Variants in TRHDE observed in about 807,000 individuals in gnomAD.
The protein encoded by TRHDE is thyrotropin-releasing hormone-degrading ectoenzyme.
Under a neutral mutation model 125.7 loss-of-function variants are expected in TRHDE, and 72 were observed. That is an observed-to-expected ratio of 0.57 (90% CI 0.47 to 0.70). The LOEUF is 0.70. Ranked by LOEUF, TRHDE falls within the 30% of genes least tolerant of loss-of-function variation. The probability of loss-of-function intolerance (pLI) is 0.00; values close to 1 mark genes in which losing one functional copy is unlikely to be tolerated. For missense variants in TRHDE, 1,110 were observed against 1,327.1 expected, an observed-to-expected ratio of 0.84 and a Z score of 2.54; for synonymous variants, 509 against 509.1, an observed-to-expected ratio of 1.00 and a Z score of 0.00.
rs182813219 is a variant in TRHDE at position 72,309,414 on chromosome 12, G to A, written c.1188+22460G>A. ...GGAAAGGGAGATTTTGAAACTACTG[G>A]AAAGGTGAGATCAATGATGAAAGAG... On this transcript the variant is annotated intron_variant, in intron 2 of 18. Coordinates refer to ENST00000261180, the MANE Select transcript of TRHDE (RefSeq NM_013381.3). Among the ~76,000 whole-genome samples, 506 of 152,212 alleles carry A rather than the reference G, an allele frequency of 3.3e-3. 7 individuals are homozygous for A. Among genetic ancestry groups the A allele is most frequent in the African/African-American group, 0.012 (486 of 41,542 alleles).
chr12:72,475,415 CA>C (rs2135905335), intron 5 of TRHDE, among the ~76,000 whole-genome samples: 1 of 152,064 alleles, frequency 6.6e-6, no homozygotes, highest in Non-Finnish European at 1.5e-5. Context: ...TTCTATTCAC[CA>C]TTATGAAAAA....
intron 1 of TRHDE, among the ~76,000 whole-genome samples, chr12:72,087,856 T>A (rs1874703729): frequency 6.6e-6 from 1 of 152,080 alleles, no homozygotes; most frequent in South Asian, 2.1e-4. Flanking sequence ...GTTGTGTGAT[T>A]CCTCCAGCAC....
At chr12:72,412,118 T>A (rs750220063) in intron 3 of TRHDE, among the ~76,000 whole-genome samples, 10 of 152,128 alleles carry the variant, frequency 6.6e-5, no homozygotes, top group African/African-American at 2.4e-4. Flanking sequence ...ATTGACACAT[T>A]GATTTGTATT....
intron 3 of TRHDE, among the ~76,000 whole-genome samples, chr12:72,464,197 T>C (rs1876259027): frequency 6.6e-6 from 1 of 152,184 alleles, no homozygotes; most frequent in Non-Finnish European, 1.5e-5. Flanking sequence ...AGTCTGGGCA[T>C]GTGGGTGGTG....
chr12:72,149,196 T>C (rs1876299453), intron 2 of TRHDE, among the ~76,000 whole-genome samples: 1 of 152,152 alleles, frequency 6.6e-6, no homozygotes, highest in Non-Finnish European at 1.5e-5. Flanking sequence ...TATTATTTTC[T>C]CCAAACTGTA....
At chr12:72,325,430 A>C (rs921196810) in intron 2 of TRHDE, among the ~76,000 whole-genome samples, 13 of 152,174 alleles carry the variant, frequency 8.5e-5, no homozygotes, top group African/African-American at 3.1e-4. Flanking sequence ...TCTGTTTACC[A>C]AACAGCCTTT....
At chr12:72,349,322 C>T (rs1870475353) in intron 2 of TRHDE, among the ~76,000 whole-genome samples, 1 of 151,932 alleles carries the variant, frequency 6.6e-6, no homozygotes, top group African/African-American at 2.4e-5. Context: ...CTTTATTAGA[C>T]AAATAGATGT....
intron 1 of TRHDE, among the ~76,000 whole-genome samples, chr12:72,099,943 A>G (rs1229215499): frequency 6.6e-6 from 1 of 152,198 alleles, no homozygotes; most frequent in African/African-American, 2.4e-5. Flanking sequence ...ATCCCAGGAA[A>G]ATATCTGGAC....
intron 18 of TRHDE, among the ~76,000 whole-genome samples, chr12:72,657,685 A>G (rs1296916462): frequency 6.6e-6 from 1 of 152,150 alleles, no homozygotes; most frequent in Non-Finnish European, 1.5e-5. Flanking sequence ...TACTCTGGAA[A>G]TTTAAGCCAG....
At chr12:72,635,790 T>G (rs2136091940) in intron 15 of TRHDE, among the ~76,000 whole-genome samples, 1 of 152,274 alleles carries the variant, frequency 6.6e-6, no homozygotes, top group Non-Finnish European at 1.5e-5. Context: ...TTTTCTCAGG[T>G]TTGTCAAAGA....
intron 3 of TRHDE, among the ~76,000 whole-genome samples, chr12:72,407,562 G>A (rs1004540415): frequency 1.3e-5 from 2 of 152,168 alleles, no homozygotes; most frequent in African/African-American, 4.8e-5. Flanking sequence ...ACAACTAAAA[G>A]TGCTGCATAC....
intron 1 of TRHDE, among the ~76,000 whole-genome samples, chr12:72,275,909 A>T (rs988608530): frequency 1.3e-5 from 2 of 152,184 alleles, no homozygotes; most frequent in African/African-American, 4.8e-5. Context: ...GTGTTCTGAA[A>T]ATCCCAGGAT....
intron 2 of TRHDE, among the ~76,000 whole-genome samples, chr12:72,147,128 G>A (rs1876247068): frequency 6.6e-6 from 1 of 151,952 alleles, no homozygotes; most frequent in African/African-American, 2.4e-5. Flanking sequence ...CAAAATAGGG[G>A]GTGTGGTGGA....
chr12:72,579,876 C>G (rs1871155734), intron 12 of TRHDE, among the ~76,000 whole-genome samples: 1 of 151,954 alleles, frequency 6.6e-6, no homozygotes, highest in African/African-American at 2.4e-5. Context: ...TATCTTTATC[C>G]TAATGCAAAT....
At chr12:72,469,251 C>A (rs1389575758) in intron 3 of TRHDE, among the ~76,000 whole-genome samples, 1 of 152,102 alleles carries the variant, frequency 6.6e-6, no homozygotes, top group Non-Finnish European at 1.5e-5. Flanking sequence ...AGATATATTT[C>A]ATGTAACATA....
chr12:72,236,181 GA>G (rs1039423992), intron 2 of TRHDE, among the ~76,000 whole-genome samples: 1 of 151,940 alleles, frequency 6.6e-6, no homozygotes, highest in African/African-American at 2.4e-5. Flanking sequence ...AAATTACTCA[GA>G]AAAAAACAGA....
At chr12:72,518,001 T>G (rs1878969212) in intron 6 of TRHDE, among the ~76,000 whole-genome samples, 2 of 150,124 alleles carry the variant, frequency 1.3e-5, no homozygotes, top group South Asian at 4.2e-4. Context: ...TGCACTGTGG[T>G]CTGAGAGATA....
intron 3 of TRHDE, among the ~76,000 whole-genome samples, chr12:72,449,668 T>C (rs928670433): frequency 6.6e-6 from 1 of 151,950 alleles, no homozygotes; most frequent in Non-Finnish European, 1.5e-5. Context: ...GGATGCAGCA[T>C]AGAGTTCAGA....
At chr12:72,259,912 G>C (rs1878908092) in intron 2 of TRHDE, among the ~76,000 whole-genome samples, 1 of 152,176 alleles carries the variant, frequency 6.6e-6, no homozygotes, top group Admixed American at 6.5e-5. Context: ...GCATTGGCTG[G>C]CTATTTAGGC....
Sources: gnomAD v4.1 joint callset for allele counts (sites outside exome capture counted in the v4.1 genomes callset) on GRCh38, gnomAD v4.1.1 for gene constraint, MANE v1.5 for transcripts, NCBI Gene and HGNC (gene_info 2026-07-23, HGNC 2026-07-21) for gene names.